The following FOXN3 variants were observed in gnomAD, a reference collection of about 807,000 sequenced individuals.
FOXN3 encodes forkhead box N3, also known as forkhead box protein N3.
A neutral mutation model predicts 38.4 loss-of-function variants in FOXN3; 7 were observed. That is an observed-to-expected ratio of 0.18 (90% CI 0.10 to 0.34). The LOEUF is 0.34. Among genes scored for constraint, FOXN3 ranks in the 10% least tolerant of loss-of-function variants. The pLI is 1.00. For missense variants in FOXN3, 456 were observed against 613.4 expected (o/e 0.74, Z 2.71); for synonymous variants, 230 against 242.2 (o/e 0.95, Z 0.47).
intron 1 of FOXN3, among the ~76,000 whole-genome samples, chr14:89,514,787 G>A (rs967168841): frequency 2.0e-5 from 3 of 152,152 alleles, no homozygotes; most frequent in African/African-American, 7.2e-5. Flanking sequence ...TTCACTCAGT[G>A]CCTCCCATGT....
At chr14:89,392,873 A>G (rs1261967595) in intron 2 of FOXN3, among the ~76,000 whole-genome samples, 1 of 147,044 alleles carries the variant, frequency 6.8e-6, no homozygotes, top group African/African-American at 2.5e-5. Context: ...GCAGCATGAT[A>G]TCAGTTCAGT....
At chr14:89,406,274 G>A (rs1196482588) in intron 2 of FOXN3, among the ~76,000 whole-genome samples, 1 of 152,034 alleles carries the variant, frequency 6.6e-6, no homozygotes, top group Admixed American at 6.6e-5. Flanking sequence ...CTTGAAATTA[G>A]CTGGATGTGG....
At chr14:89,178,812 T>C (rs577161565) in intron 5 of FOXN3, among the ~76,000 whole-genome samples, 3 of 152,292 alleles carry the variant, frequency 2.0e-5, no homozygotes, top group Admixed American at 1.3e-4. Context: ...TGTGCCCTTC[T>C]ATAAGGTATG....
intron 4 of FOXN3, among the ~76,000 whole-genome samples, chr14:89,248,123 G>A (rs1202086378): frequency 6.6e-6 from 1 of 152,104 alleles, no homozygotes; most frequent in Non-Finnish European, 1.5e-5. Context: ...TCTTCTGTCT[G>A]GCGCTTAGCT....
chr14:89,180,775 C>T lies in FOXN3; in HGVS notation c.777G>A (p.Arg259=). 1 of 1,612,362 alleles carries T rather than the reference C, an allele frequency of 6.2e-7. No individual in the cohort carries two copies. Among genetic ancestry groups the T allele is most frequent in the Non-Finnish European group, 8.5e-7 (1 of 1,179,226 alleles). ...VPPGVIQNGA[R]VLSRGLFPGV... ...CAGGAAACAGCCCTCGGCTCAGGAC[C>T]CGCGCTCCATTTTGGATCACTCCTG... The change falls in exon 5 of 6, where the codon CGG becomes CGA. Residue 259 remains arginine, a synonymous_variant. Coordinates refer to ENST00000557258, the MANE Select transcript of FOXN3 (RefSeq NM_005197.4).
At chr14:89,217,059 G>T (rs142782430) in intron 4 of FOXN3, among the ~76,000 whole-genome samples, 2 of 152,280 alleles carry the variant, frequency 1.3e-5, no homozygotes, top group East Asian at 1.9e-4. Flanking sequence ...GGTAAACGGG[G>T]TATGTAAATC....
intron 1 of FOXN3, among the ~76,000 whole-genome samples, chr14:89,523,485 T>A (rs1894363178): frequency 6.6e-6 from 1 of 152,194 alleles, no homozygotes; most frequent in Non-Finnish European, 1.5e-5. Flanking sequence ...AAGGTTAAAG[T>A]CATAAAAACT....
intron 1 of FOXN3, among the ~76,000 whole-genome samples, chr14:89,511,274 T>C (rs371119606): frequency 0.054 from 2,799 of 52,110 alleles, 817 homozygotes; most frequent in Non-Finnish European, 0.072. Flanking sequence ...TTTCTTTCTT[T>C]CTTTCTTTCT....
chr14:89,570,196 T>TCAC (rs1895462730), intron 1 of FOXN3, among the ~76,000 whole-genome samples: 1 of 152,124 alleles, frequency 6.6e-6, no homozygotes, highest in African/African-American at 2.4e-5. Flanking sequence ...AGACAAGGTT[T>TCAC]CACCATGTTA....
chr14:89,306,383 G>T (rs1179998442), intron 3 of FOXN3, among the ~76,000 whole-genome samples: 1 of 150,280 alleles, frequency 6.7e-6, no homozygotes, highest in Non-Finnish European at 1.5e-5. Context: ...TTTTTGAGAC[G>T]GAGAGACGGA....
chr14:89,286,098 T>C (rs1886621585), intron 3 of FOXN3, among the ~76,000 whole-genome samples: 1 of 151,252 alleles, frequency 6.6e-6, no homozygotes, highest in Non-Finnish European at 1.5e-5. Context: ...CCCAAACACC[T>C]GGGATCAAGT....
chr14:89,606,075 G>A (rs1896268866), intron 1 of FOXN3, among the ~76,000 whole-genome samples: 1 of 151,700 alleles, frequency 6.6e-6, no homozygotes. Flanking sequence ...ATGAAAAACT[G>A]CGATGGCACA....
At chr14:89,564,170 A>C (rs187805067) in intron 1 of FOXN3, among the ~76,000 whole-genome samples, 1 of 152,234 alleles carries the variant, frequency 6.6e-6, no homozygotes, top group Admixed American at 6.5e-5. Flanking sequence ...GGTGAATTTT[A>C]AGTGAGGGGA....
intron 2 of FOXN3, among the ~76,000 whole-genome samples, chr14:89,375,432 C>T (rs1890450863): frequency 6.6e-6 from 1 of 152,190 alleles, no homozygotes; most frequent in Middle Eastern, 3.4e-3. Flanking sequence ...CATTTTAATT[C>T]AATACTGATT....
intron 1 of FOXN3, among the ~76,000 whole-genome samples, chr14:89,546,329 C>CTTTTTTTT (rs1157998619): frequency 0.083 from 6,481 of 77,792 alleles, 1,224 homozygotes; most frequent in African/African-American, 0.22. Flanking sequence ...TTTCCTTTTT[C>CTTTTTTTT]TTTTTTTTTT....
At chr14:89,360,033 G>C (rs6575058) in intron 2 of FOXN3, among the ~76,000 whole-genome samples, 151,328 of 152,308 alleles carry the variant, frequency 0.99, 75,188 homozygotes, top group Middle Eastern at 1. Context: ...TCCAGCATAT[G>C]CCACGGTCTC....
At chr14:89,515,861 G>A (rs1894189953) in intron 1 of FOXN3, among the ~76,000 whole-genome samples, 1 of 152,222 alleles carries the variant, frequency 6.6e-6, no homozygotes. Flanking sequence ...GCTGCAGCAT[G>A]AACCCCATTT....
chr14:89,332,615 A>C (rs1888284179), intron 3 of FOXN3, among the ~76,000 whole-genome samples: 1 of 152,236 alleles, frequency 6.6e-6, no homozygotes, highest in South Asian at 2.1e-4. Flanking sequence ...AGAAGAAAAC[A>C]AAGGGGGAAA....
intron 2 of FOXN3, among the ~76,000 whole-genome samples, chr14:89,359,039 G>T (rs924813447): frequency 1.3e-5 from 2 of 152,162 alleles, no homozygotes. Flanking sequence ...CAGGTGCAGT[G>T]GTTCACACCT....
Sources: allele counts gnomAD v4.1 joint callset (sites outside exome capture counted in the v4.1 genomes callset), GRCh38; gene constraint gnomAD v4.1.1; transcripts MANE v1.5; gene names NCBI Gene and HGNC (gene_info 2026-07-23, HGNC 2026-07-21).